The following GABRB1 variants were observed in gnomAD, a reference collection of about 807,000 sequenced individuals.
GABRB1 encodes gamma-aminobutyric acid type A receptor subunit beta1.
Under a neutral mutation model 51.6 loss-of-function variants are expected in GABRB1, and 17 were observed. The ratio of observed to expected loss-of-function variants is 0.33; its 90% confidence interval spans 0.23 to 0.49. The LOEUF is 0.49. Among genes scored for constraint, GABRB1 ranks in the 20% least tolerant of loss-of-function variants. The pLI is 0.99. For missense variants in GABRB1, 410 were observed against 600.6 expected, an observed-to-expected ratio of 0.68 and a Z score of 3.32; for synonymous variants, 247 against 218.9, an observed-to-expected ratio of 1.13 and a Z score of -1.14.
chr4:47,418,326 T>A (rs1728991982), intron 8 of GABRB1, among the ~76,000 whole-genome samples: 1 of 152,246 alleles, frequency 6.6e-6, no homozygotes, highest in African/African-American at 2.4e-5. Context: ...GAGTTGATTT[T>A]GCAATCTTTA....
chr4:47,208,057 A>C (rs1226860238), intron 4 of GABRB1, among the ~76,000 whole-genome samples: 2 of 152,096 alleles, frequency 1.3e-5, no homozygotes, highest in Non-Finnish European at 2.9e-5. Context: ...AGCATTATTC[A>C]ACAGCCAAAA....
In GABRB1 at chr4:47,005,340, C is replaced by T. The variant is rs909516706; in HGVS notation, c.-20+11414C>T. On this transcript the variant is annotated intron_variant, in intron 1 of 3. Coordinates refer to the GABRB1 transcript ENST00000513567. ...GGCTGAGGCAGGAGAATGGCGTGAACCCGAGAGGCGGAGCTTGCAGTGAGC... is the reference window on the plus strand; with the variant it reads ...GGCTGAGGCAGGAGAATGGCGTGAATCCGAGAGGCGGAGCTTGCAGTGAGC... 2.0e-4 allele frequency among the ~76,000 whole-genome samples: 30 copies of T among 152,264 alleles called. 1 individual carries two copies. Among genetic ancestry groups the T allele is most frequent in the Admixed American group, 1.0e-3 (16 of 15,300 alleles).
intron 3 of GABRB1, among the ~76,000 whole-genome samples, chr4:47,136,805 C>G (rs2109684137): frequency 6.6e-6 from 1 of 152,138 alleles, no homozygotes; most frequent in Non-Finnish European, 1.5e-5. Context: ...CAAACTAAAA[C>G]ACTACATTTA....
intron 5 of GABRB1, among the ~76,000 whole-genome samples, chr4:47,354,980 G>GT (rs71195627): frequency 0.036 from 1,612 of 44,262 alleles, 397 homozygotes; most frequent in African/African-American, 0.045. Flanking sequence ...TTCTTCCTTT[G>GT]TTTTTTTTTT....
intron 3 of GABRB1, among the ~76,000 whole-genome samples, chr4:47,052,367 C>T (rs1473012835): frequency 6.6e-6 from 1 of 152,190 alleles, no homozygotes; most frequent in African/African-American, 2.4e-5. Flanking sequence ...GTAGGATCTC[C>T]TTCTGAGGCT....
intron 4 of GABRB1, among the ~76,000 whole-genome samples, chr4:47,267,158 T>A (rs544324934): frequency 6.6e-6 from 1 of 151,844 alleles, no homozygotes; most frequent in South Asian, 2.1e-4. Flanking sequence ...AGGGGGTAAA[T>A]AGAATTTAAA....
chr4:47,160,935 T>G (rs1461760867), intron 3 of GABRB1, among the ~76,000 whole-genome samples: 1 of 151,896 alleles, frequency 6.6e-6, no homozygotes, highest in African/African-American at 2.4e-5. Flanking sequence ...TATAAGCATG[T>G]ACCACCACAC....
chr4:47,418,726 C>T (rs1729007938), intron 8 of GABRB1, among the ~76,000 whole-genome samples: 1 of 152,142 alleles, frequency 6.6e-6, no homozygotes, highest in Admixed American at 6.5e-5. Flanking sequence ...AATACAAAAT[C>T]CCTGCCCCCT....
intron 1 of GABRB1, among the ~76,000 whole-genome samples, chr4:47,014,868 G>C (rs1462802663): frequency 6.6e-6 from 1 of 151,344 alleles, no homozygotes; most frequent in Non-Finnish European, 1.5e-5. Flanking sequence ...GATGAAGTTT[G>C]GGAAACTATA....
intron 4 of GABRB1, among the ~76,000 whole-genome samples, chr4:47,174,496 G>A (rs183008137): frequency 1.3e-5 from 2 of 152,156 alleles, no homozygotes; most frequent in Non-Finnish European, 2.9e-5. Flanking sequence ...ATAGAAATTG[G>A]AAATCTTACC....
chr4:47,386,511 G>A (rs1168977200), intron 5 of GABRB1, among the ~76,000 whole-genome samples: 1 of 152,186 alleles, frequency 6.6e-6, no homozygotes, highest in African/African-American at 2.4e-5. Context: ...ACTTCACTGT[G>A]TATTGGGGCC....
intron 3 of GABRB1, among the ~76,000 whole-genome samples, chr4:47,121,358 G>A (rs974867081): frequency 2.0e-5 from 3 of 152,148 alleles, no homozygotes; most frequent in African/African-American, 4.8e-5. Context: ...GGGTGGCATC[G>A]GAAAATCAAG....
intron 3 of GABRB1, among the ~76,000 whole-genome samples, chr4:47,039,088 T>C (rs191293112): frequency 6.6e-6 from 1 of 151,950 alleles, no homozygotes; most frequent in African/African-American, 2.4e-5. Flanking sequence ...CTTAAGAAAA[T>C]GTTTACGATT....
intron 1 of GABRB1, among the ~76,000 whole-genome samples, chr4:47,022,971 G>A (rs1021862794): frequency 2.8e-4 from 43 of 151,882 alleles, no homozygotes; most frequent in Admixed American, 2.6e-3. Flanking sequence ...GTACATATAC[G>A]CAACAGAGTA....
intron 3 of GABRB1, among the ~76,000 whole-genome samples, chr4:47,055,671 T>A (rs926949918): frequency 6.6e-6 from 1 of 152,144 alleles, no homozygotes; most frequent in African/African-American, 2.4e-5. Flanking sequence ...CCATTTGCCA[T>A]GAGTTAGGAA....
Position 47,333,194 on chromosome 4 carries a change from TTATATATATA to T in GABRB1, c.544+13018_544+13027del, listed in dbSNP as rs1162712786. Reference sequence around the variant, plus strand: ...CATATATATTTAAAACCCATTTTATTTATATATATATATATATATATATATATATATATAT... The same window carrying T: ...CATATATATTTAAAACCCATTTTATTTATATATATATATATATATATATAT... On this transcript the variant is annotated intron_variant, in intron 5 of 8. Coordinates refer to ENST00000295454, the MANE Select transcript of GABRB1 (RefSeq NM_000812.4). Among the ~76,000 whole-genome samples the T allele has an allele frequency of 4.5e-3, 506 of 113,174 alleles. 9 individuals are homozygous for T. The highest frequency in any genetic ancestry group is 0.015 in the African/African-American group (482 of 31,548). The allele number at this position is 113,174 out of a possible 152,430, so 74.2% of individuals were successfully genotyped here.
rs953182723 is a variant in GABRB1, at chr4:47,048,171, C to T, written c.240+15687C>T. 3.3e-5 allele frequency among the ~76,000 whole-genome samples: 5 copies of T among 152,196 alleles called. No individual in the cohort carries two copies. In the East Asian group the frequency reaches 9.7e-4, roughly 29 times the overall value. Reference sequence around the variant, plus strand: ...TTCAAAAATCCCCACATTGTAATCACCTTTTTAGTATATATACTTGAGGAT... The same window carrying T: ...TTCAAAAATCCCCACATTGTAATCATCTTTTTAGTATATATACTTGAGGAT... On this transcript the variant is annotated intron_variant, in intron 3 of 8. Transcript: ENST00000295454.
chr4:47,376,918 G>A (rs1038564368), intron 5 of GABRB1, among the ~76,000 whole-genome samples: 5 of 152,160 alleles, frequency 3.3e-5, no homozygotes, highest in Admixed American at 6.5e-5. Context: ...TTGCTCTTAA[G>A]TAGATGAATG....
At chr4:47,111,125 G>A (rs961108795) in intron 3 of GABRB1, among the ~76,000 whole-genome samples, 7 of 152,280 alleles carry the variant, frequency 4.6e-5, no homozygotes, top group African/African-American at 1.7e-4. Flanking sequence ...TTATCTCTGT[G>A]TGCAGAACTG....
Sources: allele counts gnomAD v4.1 joint callset (sites outside exome capture counted in the v4.1 genomes callset), GRCh38; gene constraint gnomAD v4.1.1; transcripts MANE v1.5; gene names NCBI Gene and HGNC (gene_info 2026-07-23, HGNC 2026-07-21).